Variants in COL23A1 observed in about 807,000 individuals in gnomAD.
COL23A1 encodes the protein collagen type XXIII alpha 1 chain.
In COL23A1, 97 loss-of-function variants were observed where a neutral mutation model predicts 99.3. That is an observed-to-expected ratio of 0.98 (90% confidence interval 0.83 to 1.16). The LOEUF is 1.16. Ranked by LOEUF, COL23A1 falls within the 50% of genes most tolerant of loss-of-function variation. The probability of loss-of-function intolerance (pLI) is 0.00; values close to 1 mark genes in which losing one functional copy is unlikely to be tolerated. For synonymous variants in COL23A1, 320 were observed against 308.2 expected, an observed-to-expected ratio of 1.04 and a Z score of -0.40; for missense variants, 762 against 757.4, an observed-to-expected ratio of 1.01 and a Z score of -0.07.
chr5:178,381,996 C>G (rs1009415173), intron 2 of COL23A1, among the ~76,000 whole-genome samples: 4 of 152,120 alleles, frequency 2.6e-5, no homozygotes, highest in African/African-American at 4.8e-5. Context: ...CCTAGGCATT[C>G]TGAGGGCAGG....
chr5:178,242,302 CCT>C (rs758642925), intron 26 of COL23A1, 37 bp downstream of exon 26: 1 of 1,604,832 alleles, frequency 6.2e-7, no homozygotes, highest in South Asian at 1.1e-5. Context: ...CCTCCTTCCC[CCT>C]CTCCTCCTGC....
At chr5:178,290,228 G>A in intron 4 of COL23A1, 134 bp downstream of exon 4, 1 of 1,274,954 alleles carries the variant, frequency 7.8e-7, no homozygotes, top group Non-Finnish European at 1.1e-6. Flanking sequence ...CACCGCACCT[G>A]GCCACTTTTT....
At chr5:178,342,684 C>CAT (rs1760736545) in intron 2 of COL23A1, among the ~76,000 whole-genome samples, 1 of 152,176 alleles carries the variant, frequency 6.6e-6, no homozygotes, top group Non-Finnish European at 1.5e-5. Context: ...GATAATGCCT[C>CAT]ATCCCAATCA....
At chr5:178,463,399 G>T (rs191577239) in intron 2 of COL23A1, among the ~76,000 whole-genome samples, 1 of 152,204 alleles carries the variant, frequency 6.6e-6, no homozygotes, top group East Asian at 1.9e-4. Flanking sequence ...GGCTGAGGCC[G>T]TGAGGTGGAG....
intron 2 of COL23A1, among the ~76,000 whole-genome samples, chr5:178,489,963 G>A (rs188309333): frequency 2.8e-4 from 42 of 152,312 alleles, no homozygotes; most frequent in Admixed American, 4.6e-4. Flanking sequence ...GCTGGGTGTG[G>A]TGGTTCACTC....
At chr5:178,480,455 T>G (rs973847222) in intron 2 of COL23A1, among the ~76,000 whole-genome samples, 1 of 152,168 alleles carries the variant, frequency 6.6e-6, no homozygotes, top group East Asian at 1.9e-4. Flanking sequence ...CTGAACCTGG[T>G]GCACCTCCCA....
intron 5 of COL23A1, among the ~76,000 whole-genome samples, chr5:178,273,019 C>T (rs1581500656): frequency 6.6e-6 from 1 of 152,234 alleles, no homozygotes; most frequent in Admixed American, 6.5e-5. Flanking sequence ...GAGGTCTGGG[C>T]CCTGGGTCTC....
intron 16 of COL23A1, among the ~76,000 whole-genome samples, chr5:178,254,041 G>A (rs1201218423): frequency 6.6e-6 from 1 of 152,156 alleles, no homozygotes; most frequent in Non-Finnish European, 1.5e-5. Flanking sequence ...GCGCATGCCT[G>A]TAGTCCCAGC....
intron 2 of COL23A1, among the ~76,000 whole-genome samples, chr5:178,429,035 C>G (rs1365017233): frequency 1.3e-5 from 2 of 152,126 alleles, no homozygotes; most frequent in African/African-American, 2.4e-5. Flanking sequence ...TCGTGATTGG[C>G]TGGGGCACGC....
intron 5 of COL23A1, among the ~76,000 whole-genome samples, chr5:178,272,793 C>T (rs1756366556): frequency 6.6e-6 from 1 of 152,064 alleles, no homozygotes; most frequent in Non-Finnish European, 1.5e-5. Context: ...AGGTCGCGTC[C>T]CACTAGGCAT....
At position 178,589,345 on chromosome 5, in the gene COL23A1, T is replaced by A. The variant is rs76631376; in HGVS notation, c.294+559A>T. Among the ~76,000 whole-genome samples, 165 of 151,430 alleles carry A rather than the reference T, an allele frequency of 1.1e-3. 3 individuals are homozygous for A. In the East Asian group the frequency reaches 0.022, roughly 20 times the overall value. On this transcript the variant is annotated intron_variant, in intron 1 of 28. Coordinates refer to ENST00000390654, the MANE Select transcript of COL23A1 (RefSeq NM_173465.4). This position sits in a 1 kb window ranked among gnomAD's most constrained non-coding sequence, Gnocchi z 5.4. ...AGTCATGTGGGCGCCCCCACCCCCA[T>A]CCCCGAGGCCTCAGTGCGACGGTGA... is the stretch of plus-strand genomic sequence containing the variant.
At chr5:178,358,532 GTGTGTGTA>G (rs906281869) in intron 2 of COL23A1, among the ~76,000 whole-genome samples, 9 of 72,236 alleles carry the variant, frequency 1.2e-4, no homozygotes, top group African/African-American at 3.5e-4. Context: ...TGTATGTCTA[GTGTGTGTA>G]TGTGTGTGTA....
rs1444360763 is a variant in COL23A1, at chr5:178,589,378, G to A, written c.294+526C>T. On this transcript the variant is annotated intron_variant, in intron 1 of 28. Coordinates refer to ENST00000390654, the MANE Select transcript of COL23A1 (RefSeq NM_173465.4). This position sits in a 1 kb window ranked among gnomAD's most constrained non-coding sequence, Gnocchi z 5.4. Reference sequence around the variant, plus strand: ...GCCTCAGTGCGACGGTGACCGCTCAGTCTTGGGGCCTGAGCTGCTGGAGAC... The same window carrying A: ...GCCTCAGTGCGACGGTGACCGCTCAATCTTGGGGCCTGAGCTGCTGGAGAC... 2.6e-5 allele frequency among the ~76,000 whole-genome samples: 4 copies of A among 151,962 alleles called. No individual in the cohort carries two copies. The highest frequency in any genetic ancestry group is 5.9e-5 in the Non-Finnish European group (4 of 68,006).
At chr5:178,329,697 G>A (rs140176213) in intron 2 of COL23A1, among the ~76,000 whole-genome samples, 4 of 152,150 alleles carry the variant, frequency 2.6e-5, no homozygotes, top group African/African-American at 4.8e-5. Context: ...TCCCAGGACC[G>A]GGAGGCCGAG....
chr5:178,249,053 G>A (rs375792028), intron 19 of COL23A1, 64 bp downstream of exon 19: 31 of 1,530,888 alleles, frequency 2.0e-5, no homozygotes, highest in East Asian at 1.1e-4. Flanking sequence ...AGCACGGGGG[G>A]CACACAGTCA....
intron 2 of COL23A1, among the ~76,000 whole-genome samples, chr5:178,488,179 A>G (rs1757735902): frequency 6.6e-6 from 1 of 152,206 alleles, no homozygotes; most frequent in South Asian, 2.1e-4. Context: ...TTATTTGGCA[A>G]GGTCTGGGTG....
chr5:178,468,239 G>A lies in COL23A1; in HGVS notation c.361+92443C>T, dbSNP rs906048731. Reference sequence around the variant, plus strand: ...CACCCAGACTCCAGCCAGAAGCCACGGCAAGCCGCCAGTGTCGAGCAGAGG... The same window carrying A: ...CACCCAGACTCCAGCCAGAAGCCACAGCAAGCCGCCAGTGTCGAGCAGAGG... On this transcript the variant is annotated intron_variant, in intron 2 of 28. Coordinates refer to ENST00000390654, the MANE Select transcript of COL23A1 (RefSeq NM_173465.4). This position sits in a 1 kb window ranked among gnomAD's most constrained non-coding sequence, Gnocchi z 4.2. Among the ~76,000 whole-genome samples the A allele has an allele frequency of 5.6e-5, 8 of 143,622 alleles. No individual in the cohort carries two copies. The highest frequency in any genetic ancestry group is 4.9e-4 in the South Asian group (2 of 4,084). The allele number at this position is 143,622 out of a possible 152,430, so 94.2% of individuals were successfully genotyped here. A position where few individuals can be genotyped will look rare whatever the true frequency, so the allele number is the denominator to read the frequency against.
intron 8 of COL23A1, among the ~76,000 whole-genome samples, chr5:178,266,426 A>G (rs961795564): frequency 1.3e-5 from 2 of 151,912 alleles, no homozygotes; most frequent in Non-Finnish European, 2.9e-5. Context: ...GATGACTGGG[A>G]CACTGGGACC....
At chr5:178,355,476 G>A (rs1761586838) in intron 2 of COL23A1, among the ~76,000 whole-genome samples, 1 of 152,214 alleles carries the variant, frequency 6.6e-6, no homozygotes, top group Non-Finnish European at 1.5e-5. Flanking sequence ...ATATTAGTCT[G>A]TTCTCGCATT....
Sources: allele counts gnomAD v4.1 joint callset (sites outside exome capture counted in the v4.1 genomes callset), GRCh38; gene constraint gnomAD v4.1.1; non-coding constraint Gnocchi (gnomAD v3.1); transcripts MANE v1.5; gene names NCBI Gene and HGNC (gene_info 2026-07-23, HGNC 2026-07-21).